Variants in DNAAF8 observed in about 807,000 individuals in gnomAD.
DNAAF8 encodes dynein axonemal assembly factor 8.
Under a neutral mutation model 54.6 loss-of-function variants are expected in DNAAF8, and 61 were observed. The ratio of observed to expected loss-of-function variants is 1.12; its 90% CI spans 0.91 to 1.38. The LOEUF (loss-of-function observed/expected upper bound fraction) is 1.38, where lower values mean the gene tolerates loss of function less well. Ranked by LOEUF, DNAAF8 falls within the 40% of genes most tolerant of loss-of-function variation. The pLI, the probability that DNAAF8 is intolerant of heterozygous loss-of-function variation, is 0.00. For synonymous variants in DNAAF8, 320 were observed against 270.1 expected (o/e 1.18, Z -1.81); for missense variants, 837 against 665.0 (o/e 1.26, Z -2.85).
intron 4 of DNAAF8, among the ~76,000 whole-genome samples, chr16:4,742,663 T>A (rs1360501334): frequency 6.6e-6 from 1 of 151,922 alleles, no homozygotes; most frequent in African/African-American, 2.4e-5. Flanking sequence ...GAGGTTGCAG[T>A]GAGCTGAGCT....
At chr16:4,744,743 C>A in intron 5 of DNAAF8, 127 bp from the exon 6 acceptor site, 3 of 1,199,482 alleles carry the variant, frequency 2.5e-6, no homozygotes, top group Admixed American at 4.6e-5. Context: ...GAGGGCTGGG[C>A]GGGGGCAGTG....
chr16:4,740,381 C>T lies in DNAAF8; in HGVS notation c.505C>T (p.Gln169Ter), dbSNP rs764051737. 6.2e-7 allele frequency: 1 copy of T among 1,613,826 alleles called. No individual in the cohort carries two copies. Among genetic ancestry groups the T allele is most frequent in the Non-Finnish European group, 8.5e-7 (1 of 1,179,988 alleles). Reference sequence around the variant, plus strand: ...ATCCCAGGGTCCTCCCTGGGACCCACAGGCCGAAGCCACTCTCTCCTGCCA... The same window carrying T: ...ATCCCAGGGTCCTCCCTGGGACCCATAGGCCGAAGCCACTCTCTCCTGCCA... ...KGSQGPPWDP[Q>*]AEATLSCHEG... The change falls in exon 4 of 10, where the codon CAG becomes TAG. Residue 169 changes from glutamine (Q) to a stop codon, truncating the protein, a stop_gained. Coordinates refer to ENST00000299320, the MANE Select transcript of DNAAF8 (RefSeq NM_139170.3). LOFTEE classifies it high-confidence loss of function.
chr16:4,735,163 C>G (rs532102010), intron 1 of DNAAF8: 1 of 152,272 alleles, frequency 6.6e-6, no homozygotes, highest in Non-Finnish European at 1.5e-5. Context: ...TTCCTTCTGC[C>G]GGTAATGCCG....
rs986770238 is a variant in DNAAF8 at position 4,745,104 on chromosome 16, C to T, written c.1043+93C>T. ...CTGGGCCTACCAAGGGCGGGGCACT[C>T]CATGTGCATTTTCTCAGTCACTCTC... On this transcript the variant is annotated intron_variant, in intron 6 of 9. Transcript: ENST00000299320. 46 of 1,444,322 alleles carry T rather than the reference C, an allele frequency of 3.2e-5. No homozygotes were observed. The Admixed American group carries it at 8.7e-4, about 27-fold the overall frequency. 89.5% of individuals were successfully genotyped at this position (1,444,322 alleles called of 1,614,324 possible).
chr16:4,746,873 G>A (rs2082023708), intron 7 of DNAAF8, 54 bp from the exon 8 acceptor site: 4 of 1,462,672 alleles, frequency 2.7e-6, no homozygotes, highest in Admixed American at 2.6e-5. Context: ...CCCAACAAGA[G>A]TTGGAACACC....
chr16:4,743,087 G>C lies in DNAAF8; in HGVS notation c.828G>C (p.Ala276=). 1 of 1,612,308 alleles carries C rather than the reference G, an allele frequency of 6.2e-7. No homozygotes were observed. The highest frequency in any genetic ancestry group is 8.5e-7 in the Non-Finnish European group (1 of 1,179,260). The change falls in exon 5 of 10, where the codon GCG becomes GCC. Residue 276 remains alanine, a synonymous_variant. Coordinates refer to ENST00000299320, the MANE Select transcript of DNAAF8 (RefSeq NM_139170.3). ...TGGATGACATCCTTCAGAGTCTGGC[G>C]GGACAAGAAGACAACCAGGGAAATC... ...WDLDDILQSL[A]GQEDNQGNRA... is the part of the protein sequence containing the mutation.
intron 2 of DNAAF8, 115 bp downstream of exon 2, chr16:4,736,758 T>C: frequency 8.6e-7 from 1 of 1,161,864 alleles, no homozygotes; most frequent in Non-Finnish European, 1.1e-6. Context: ...ACCTGTGCAG[T>C]TTGTTGTCAT....
Position 4,743,063 on chromosome 16 carries a change from G to T in DNAAF8, c.804G>T (p.Leu268Phe), listed in dbSNP as rs1458252155. 2 of 1,611,290 alleles carry T rather than the reference G, an allele frequency of 1.2e-6. No homozygotes were observed. The highest frequency in any genetic ancestry group is 3.3e-5 in the Admixed American group (2 of 59,710). Residue 268 changes from leucine (L) to phenylalanine (F), a missense_variant, in exon 5 of 10, where the codon TTG becomes TTT. Coordinates refer to ENST00000299320, the MANE Select transcript of DNAAF8 (RefSeq NM_139170.3). ...TTCAGCAACTTGAAGCGTGGGATTT[G>T]GATGACATCCTTCAGAGTCTGGCGG... ...LSLQQLEAWDLDDILQSLAGQ... is the reference protein window; with the variant it reads ...LSLQQLEAWDFDDILQSLAGQ...
chr16:4,737,434 C>T (rs2081911672), intron 2 of DNAAF8, among the ~76,000 whole-genome samples: 2 of 152,184 alleles, frequency 1.3e-5, no homozygotes, highest in Admixed American at 6.5e-5. Flanking sequence ...CTCAGGGTCA[C>T]AGGGGATGGG....
rs777292104 is a variant in DNAAF8 at position 4,747,018 on chromosome 16, G to A, written c.1273G>A (p.Gly425Arg). The A allele has an allele frequency of 2.2e-5, 34 of 1,530,936 alleles. No individual in the cohort carries two copies. In the South Asian group the frequency reaches 4.1e-4, roughly 18 times the overall value. 94.8% of individuals were successfully genotyped at this position (1,530,936 alleles called of 1,614,324 possible). ...DAEGASPSSL[G>R]LRTCTGKSQL... ...AGAGGGGGCATCTCCTTCCTCCCTGGGGCTACGGTAACCACCCAGGGGCCT... is the reference window on the plus strand; with the variant it reads ...AGAGGGGGCATCTCCTTCCTCCCTGAGGCTACGGTAACCACCCAGGGGCCT... The change falls in exon 8 of 10, where the codon GGG becomes AGG. Residue 425 changes from glycine (G) to arginine (R), a missense_variant. Physicochemically the swap from Gly to Arg is moderately radical, Grantham distance 125. Coordinates refer to ENST00000299320, the MANE Select transcript of DNAAF8 (RefSeq NM_139170.3).
chr16:4,737,712 A>G (rs776288030), intron 2 of DNAAF8, 88 bp from the exon 3 acceptor site: 2 of 1,488,314 alleles, frequency 1.3e-6, no homozygotes, highest in African/African-American at 2.8e-5. Context: ...GCTGGAAGTG[A>G]GAGTGGAGAG....
At position 4,734,633 on chromosome 16, in the gene DNAAF8, G is replaced by C. The variant is rs859316; in HGVS notation, c.-117G>C. ...GGCCCGAGGGGCGGACGCGAGCGGA[G>C]TGACGCGCTGGAGGCTGTTTATAGC... On this transcript the variant is annotated 5_prime_UTR_variant, in exon 1 of 10. Transcript: ENST00000299320. 81,950 of 152,240 alleles carry C rather than the reference G, an allele frequency of 0.54. 22,619 individuals are homozygous for C. The highest frequency in any genetic ancestry group is 0.67 in the East Asian group (3,455 of 5,130). 9.4% of individuals were successfully genotyped at this position (152,240 alleles called of 1,614,324 possible).
chr16:4,746,292 G>GCTGCCTGGACAAACC (rs2082016727), intron 6 of DNAAF8, 83 bp from the exon 7 acceptor site: 1 of 1,420,518 alleles, frequency 7.0e-7, no homozygotes, highest in Non-Finnish European at 9.6e-7. Flanking sequence ...GCAGCCACGA[G>GCTGCCTGGACAAACC]CACTGTGACT....
At chr16:4,745,628 T>G (rs1343361386) in intron 6 of DNAAF8, among the ~76,000 whole-genome samples, 8 of 152,162 alleles carry the variant, frequency 5.3e-5, no homozygotes, top group African/African-American at 1.9e-4. Flanking sequence ...TGGGTTTCTG[T>G]GTCTGGAAAC....
chr16:4,740,560 T>G lies in DNAAF8; in HGVS notation c.684T>G (p.Gly228=), dbSNP rs2081949918. ...GCGGCCCGACCAGCAGTGACAAAGGTGGGGTGAAGGAGGCGCCCTGCCACG... is the reference window on the plus strand; with the variant it reads ...GCGGCCCGACCAGCAGTGACAAAGGGGGGGTGAAGGAGGCGCCCTGCCACG... ...DACGPTSSDK[G]GVKEAPCHAA... Residue 228 remains glycine, a synonymous_variant, in exon 4 of 10, where the codon GGT becomes GGG. Transcript: ENST00000299320. 1 of 1,613,490 alleles carries G rather than the reference T, an allele frequency of 6.2e-7. No homozygotes were observed. The highest frequency in any genetic ancestry group is 8.5e-7 in the Non-Finnish European group (1 of 1,179,902).
chr16:4,743,514 C>CGA, intron 5 of DNAAF8: 1 of 185,764 alleles, frequency 5.4e-6, no homozygotes. Flanking sequence ...CTTCTGTGCG[C>CGA]AGTCAGCTCC....
chr16:4,747,187 T>A lies in DNAAF8; in HGVS notation c.1281-156T>A, dbSNP rs999862884. 47 of 1,227,850 alleles carry A rather than the reference T, an allele frequency of 3.8e-5. No homozygotes were observed. The South Asian group carries it at 7.0e-4, about 18-fold the overall frequency. 76.1% of individuals were successfully genotyped at this position (1,227,850 alleles called of 1,614,324 possible). A position where few individuals can be genotyped will look rare whatever the true frequency, so the allele number is the denominator to read the frequency against. ...CTTTCATCATCCTGCCCACGTCCACTGGGTCCCAGCAGTGGCAGCAGTGAT... is the reference window on the plus strand; with the variant it reads ...CTTTCATCATCCTGCCCACGTCCACAGGGTCCCAGCAGTGGCAGCAGTGAT... On this transcript the variant is annotated intron_variant, in intron 8 of 9. Coordinates refer to ENST00000299320, the MANE Select transcript of DNAAF8 (RefSeq NM_139170.3).
At chr16:4,736,427 G>C in intron 1 of DNAAF8, 37 bp from the exon 2 acceptor site, 1 of 1,353,022 alleles carries the variant, frequency 7.4e-7, no homozygotes, top group Non-Finnish European at 9.7e-7. Flanking sequence ...ACCTTCAGTG[G>C]CCCGGACCCT....
intron 9 of DNAAF8, among the ~76,000 whole-genome samples, chr16:4,747,894 A>T (rs2082038168): frequency 6.6e-6 from 1 of 152,186 alleles, no homozygotes; most frequent in Non-Finnish European, 1.5e-5. Flanking sequence ...GGAGATGGGC[A>T]GGGACAGCAG....
Sources: allele counts gnomAD v4.1 joint callset (sites outside exome capture counted in the v4.1 genomes callset), GRCh38; gene constraint gnomAD v4.1.1; transcripts MANE v1.5; gene names NCBI Gene and HGNC (gene_info 2026-07-23, HGNC 2026-07-21).